MYOF: variants seen among roughly 807,000 people sequenced by gnomAD.
The protein encoded by MYOF is myoferlin.
Under a neutral mutation model 284.2 loss-of-function variants are expected in MYOF, and 244 were observed. The observed-to-expected ratio is 0.86, with a 90% CI of 0.77 to 0.95. MYOF has a LOEUF of 0.95. MYOF is among the 40% of genes least tolerant of loss of function. The probability of loss-of-function intolerance (pLI) is 0.00; values close to 1 mark genes in which losing one functional copy is unlikely to be tolerated. For missense variants in MYOF, 2,496 were observed against 2,560.6 expected (o/e 0.97, Z 0.54); for synonymous variants, 904 against 919.7 (o/e 0.98, Z 0.31).
intron 35 of MYOF, 117 bp downstream of exon 35, chr10:93,351,080 A>G (rs1296058282): frequency 1.8e-6 from 2 of 1,120,688 alleles, no homozygotes; most frequent in Non-Finnish European, 2.6e-6. Context: ...ACAAGTTGTA[A>G]AGGAAGTTGG....
chr10:93,389,009 C>T, intron 18 of MYOF, 21 bp downstream of exon 18: 1 of 1,607,468 alleles, frequency 6.2e-7, no homozygotes. Context: ...GATTAATAAC[C>T]ACCTTAATTG....
At chr10:93,379,146 G>A (rs1015941082) in intron 21 of MYOF, among the ~76,000 whole-genome samples, 1 of 151,986 alleles carries the variant, frequency 6.6e-6, no homozygotes, top group Non-Finnish European at 1.5e-5. Context: ...TTCACCCAAG[G>A]AAATCCCCAA....
intron 22 of MYOF, among the ~76,000 whole-genome samples, 185 bp downstream of exon 22, chr10:93,377,138 A>G (rs1011912565): frequency 2.6e-5 from 4 of 152,172 alleles, no homozygotes; most frequent in Non-Finnish European, 4.4e-5. Context: ...ACCAAATCAG[A>G]AAGTGGAGCT....
At chr10:93,346,504 C>A (rs787700) in intron 37 of MYOF, among the ~76,000 whole-genome samples, 1 of 152,136 alleles carries the variant, frequency 6.6e-6, no homozygotes, top group Non-Finnish European at 1.5e-5. Flanking sequence ...AACACAGTCC[C>A]TAGCACATGG....
chr10:93,319,935 GT>G lies in MYOF; in HGVS notation c.5534del (p.Asn1845ThrfsTer39). Reference sequence around the variant, plus strand: ...AGTCAAACGGGAAAACAAATCGCCAGTTAAAATTCCCTTCACCATCCAAAGA... The same window carrying G: ...AGTCAAACGGGAAAACAAATCGCCAGTAAAATTCCCTTCACCATCCAAAGA... ...YRSLDGEGNF[N>X]WRFVFPFDYL... is the part of the protein sequence containing the mutation. On this transcript the variant is annotated frameshift_variant, in exon 49 of 54. Transcript: ENST00000359263. LOFTEE classifies it high-confidence loss of function. 6.2e-7 allele frequency: 1 copy of G among 1,614,184 alleles called. No homozygotes were observed. Among genetic ancestry groups the G allele is most frequent in the Non-Finnish European group, 8.5e-7 (1 of 1,180,032 alleles).
Position 93,387,724 on chromosome 10 carries a change from TC to T in MYOF, c.1698+72del. ...ATTGTGAGTTGGGTTGCCTTCCGAC[TC>T]CCCCAGCTACCCCTTCAGTCCCTGG... On this transcript the variant is annotated intron_variant, in intron 19 of 53. Transcript: ENST00000359263. 2.3e-6 allele frequency: 3 copies of T among 1,292,490 alleles called. No individual in the cohort carries two copies. In the Admixed American group the frequency reaches 5.1e-5, roughly 22 times the overall value. 80.1% of individuals were successfully genotyped at this position (1,292,490 alleles called of 1,614,324 possible). A position where few individuals can be genotyped will look rare whatever the true frequency, so the allele number is the denominator to read the frequency against.
intron 19 of MYOF, among the ~76,000 whole-genome samples, chr10:93,382,459 A>G (rs930187051): frequency 6.6e-6 from 1 of 152,246 alleles, no homozygotes. Context: ...GTAAATAAAA[A>G]TAAGGAAACT....
intron 45 of MYOF, among the ~76,000 whole-genome samples, chr10:93,327,598 T>C (rs537232129): frequency 2.6e-4 from 39 of 152,240 alleles, no homozygotes; most frequent in Non-Finnish European, 3.8e-4. Flanking sequence ...AGTTGTTTGA[T>C]TGTTTGGGGG....
At chr10:93,392,633 G>T (rs1348792587) in intron 17 of MYOF, among the ~76,000 whole-genome samples, 2 of 152,094 alleles carry the variant, frequency 1.3e-5, no homozygotes, top group African/African-American at 4.8e-5. Flanking sequence ...AACAATAACA[G>T]AAAATGTTAT....
chr10:93,328,641 C>A, intron 45 of MYOF, 122 bp downstream of exon 45: 1 of 996,952 alleles, frequency 1.0e-6, no homozygotes, highest in Non-Finnish European at 1.4e-6. Flanking sequence ...GTTAGTGTCA[C>A]GTGCACAGTC....
At chr10:93,469,407 A>AG (rs1254303695) in intron 1 of MYOF, among the ~76,000 whole-genome samples, 1 of 150,858 alleles carries the variant, frequency 6.6e-6, no homozygotes, top group Non-Finnish European at 1.5e-5. Context: ...TCTCTGAAGA[A>AG]AAAAAAAAAA....
At chr10:93,471,802 T>C (rs1275759236) in intron 1 of MYOF, among the ~76,000 whole-genome samples, 2 of 151,832 alleles carry the variant, frequency 1.3e-5, no homozygotes, top group South Asian at 4.2e-4. Context: ...GGCAGGAGAA[T>C]TGCTTGAACC....
At chr10:93,363,759 C>T (rs989256692) in intron 27 of MYOF, among the ~76,000 whole-genome samples, 1 of 152,216 alleles carries the variant, frequency 6.6e-6, no homozygotes, top group African/African-American at 2.4e-5. Context: ...GTTCCAACAT[C>T]GAGTTAAATA....
chr10:93,329,847 A>C lies in MYOF; in HGVS notation c.4812-13T>G, dbSNP rs1843224543. On this transcript the variant is annotated splice_polypyrimidine_tract_variant and intron_variant, in intron 43 of 53. Transcript: ENST00000359263. ...CAGTTCGTACATCCTAAATAAACAA[A>C]TGCAAGGTCAGAATCTTCATGATCC... 1.2e-6 allele frequency: 2 copies of C among 1,613,554 alleles called. No individual in the cohort carries two copies. Among genetic ancestry groups the C allele is most frequent in the Non-Finnish European group, 1.7e-6 (2 of 1,179,726 alleles).
intron 43 of MYOF, among the ~76,000 whole-genome samples, chr10:93,331,037 T>C (rs1010583231): frequency 6.6e-6 from 1 of 152,150 alleles, no homozygotes; most frequent in Non-Finnish European, 1.5e-5. Context: ...AAACTAAAGG[T>C]TCTGAGAAGT....
At chr10:93,370,954 A>T (rs924600204) in intron 24 of MYOF, among the ~76,000 whole-genome samples, 22 of 152,316 alleles carry the variant, frequency 1.4e-4, no homozygotes, top group Middle Eastern at 3.4e-3. Flanking sequence ...TCCAGCTTTC[A>T]CGTAAAATAA....
Position 93,456,810 on chromosome 10 carries a change from C to T in MYOF, c.144+72G>A, listed in dbSNP as rs932869047. 1.3e-5 allele frequency: 15 copies of T among 1,141,266 alleles called. No homozygotes were observed. In the African/African-American group the frequency reaches 2.0e-4, roughly 15 times the overall value. The allele number at this position is 1,141,266 out of a possible 1,614,324, so 70.7% of individuals were successfully genotyped here. ...TCTCCTTCCGAAGGGAAGAGGTAAC[C>T]TCTCACCCAAAGATAGGACAATCAG... On this transcript the variant is annotated intron_variant, in intron 2 of 53. Transcript: ENST00000359263.
intron 12 of MYOF, among the ~76,000 whole-genome samples, chr10:93,400,651 C>T (rs1001633593): frequency 3.9e-5 from 6 of 152,012 alleles, no homozygotes; most frequent in Admixed American, 2.6e-4. Context: ...GTCCCAGAGC[C>T]CAGCAGGAAC....
chr10:93,361,453 T>C lies in MYOF; in HGVS notation c.2973A>G (p.Lys991=). The part of the protein sequence containing the change: ...SYDINRAVDE[K]GWEYGITIPP... Reference sequence around the variant, plus strand: ...CAGGTCACAGATGTACAATGTTACCTTTCTCATCCACCGCTCGATTTATGT... The same window carrying C: ...CAGGTCACAGATGTACAATGTTACCCTTCTCATCCACCGCTCGATTTATGT... The change falls in exon 28 of 54, where the codon AAA becomes AAG. Residue 991 remains lysine, a splice_region_variant and synonymous_variant. Coordinates refer to ENST00000359263, the MANE Select transcript of MYOF (RefSeq NM_013451.4). The C allele has an allele frequency of 6.2e-7, 1 of 1,614,074 alleles. No individual in the cohort carries two copies. The highest frequency in any genetic ancestry group is 8.5e-7 in the Non-Finnish European group (1 of 1,179,926).
Sources: gnomAD v4.1 joint callset for allele counts (sites outside exome capture counted in the v4.1 genomes callset) on GRCh38, gnomAD v4.1.1 for gene constraint, MANE v1.5 for transcripts, NCBI Gene and HGNC (gene_info 2026-07-23, HGNC 2026-07-21) for gene names.